PRTG: variants seen among roughly 807,000 people sequenced by gnomAD.
PRTG encodes protogenin.
PRTG carries 67 observed loss-of-function variants against 122.5 expected under a neutral mutation model. That is an observed-to-expected ratio of 0.55 (90% CI 0.45 to 0.67). The LOEUF (loss-of-function observed/expected upper bound fraction) is 0.67, where lower values mean the gene tolerates loss of function less well. Among genes scored for constraint, PRTG ranks in the 30% least tolerant of loss-of-function variants. The pLI, the probability that PRTG is intolerant of heterozygous loss-of-function variation, is 0.00. For synonymous variants in PRTG, 554 were observed against 501.1 expected (o/e 1.11, Z -1.41); for missense variants, 1,435 against 1,415.4 (o/e 1.01, Z -0.22).
rs569123917 is a variant in PRTG, at chr15:55,640,069, T to C, written c.2138-241A>G. 2 of 566,692 alleles carry C rather than the reference T, an allele frequency of 3.5e-6. 1 individual carries two copies. The highest frequency in any genetic ancestry group is 1.6e-4 in the South Asian group (2 of 12,436). The allele number at this position is 566,692 out of a possible 1,614,324, so 35.1% of individuals were successfully genotyped here. A position where few individuals can be genotyped will look rare whatever the true frequency, so the allele number is the denominator to read the frequency against. On this transcript the variant is annotated intron_variant, in intron 12 of 19. Coordinates refer to ENST00000389286, the MANE Select transcript of PRTG (RefSeq NM_173814.6). ...CAGGCATACATTCTAAGAAATGTGT[T>C]AGGTTTTTCATCAGGGGATTTCATC...
chr15:55,733,242 C>A (rs540877117), intron 2 of PRTG, among the ~76,000 whole-genome samples: 1 of 152,126 alleles, frequency 6.6e-6, no homozygotes, highest in East Asian at 1.9e-4. Flanking sequence ...CGTGGTGGCT[C>A]ACACCTGTAA....
intron 2 of PRTG, among the ~76,000 whole-genome samples, chr15:55,691,836 C>T (rs371255061): frequency 6.6e-6 from 1 of 151,710 alleles, no homozygotes; most frequent in African/African-American, 2.4e-5. Flanking sequence ...GGAAAGTGAC[C>T]AGCCTGGGAA....
intron 11 of PRTG, among the ~76,000 whole-genome samples, chr15:55,660,172 C>G (rs1447453037): frequency 6.6e-6 from 1 of 151,912 alleles, no homozygotes; most frequent in Non-Finnish European, 1.5e-5. Context: ...GAAGCGTGGT[C>G]CTGCAGCTCC....
At chr15:55,620,454 C>A (rs2059160038) in intron 19 of PRTG, among the ~76,000 whole-genome samples, 188 bp from the exon 20 acceptor site, 1 of 152,186 alleles carries the variant, frequency 6.6e-6, no homozygotes, top group African/African-American at 2.4e-5. Flanking sequence ...TGACCCTACT[C>A]CCCACTGAAA....
chr15:55,678,387 C>G (rs2059516884), intron 7 of PRTG, among the ~76,000 whole-genome samples: 1 of 152,110 alleles, frequency 6.6e-6, no homozygotes, highest in Non-Finnish European at 1.5e-5. Context: ...GTAGCCGGGA[C>G]TCCAGGCATG....
chr15:55,727,975 A>T (rs2031095425), intron 2 of PRTG, among the ~76,000 whole-genome samples: 1 of 151,992 alleles, frequency 6.6e-6, no homozygotes, highest in Non-Finnish European at 1.5e-5. Context: ...AGCGATCCTC[A>T]TGTCTCAGCC....
intron 16 of PRTG, among the ~76,000 whole-genome samples, chr15:55,628,386 G>GA (rs35201571): frequency 9.8e-4 from 140 of 142,706 alleles, no homozygotes; most frequent in Middle Eastern, 3.5e-3. Context: ...GACAGAGAGG[G>GA]AAAAAAAAAA....
At chr15:55,730,584 C>T (rs577582173) in intron 2 of PRTG, among the ~76,000 whole-genome samples, 61 of 152,084 alleles carry the variant, frequency 4.0e-4, no homozygotes, top group Admixed American at 3.8e-3. Flanking sequence ...GCGGATCACA[C>T]GGTCAGGATA....
At chr15:55,642,017 A>G (rs2059293493) in intron 11 of PRTG, among the ~76,000 whole-genome samples, 1 of 150,890 alleles carries the variant, frequency 6.6e-6, no homozygotes, top group Non-Finnish European at 1.5e-5. Flanking sequence ...TACTAAAAAT[A>G]CAAAAAATTA....
intron 15 of PRTG, among the ~76,000 whole-genome samples, chr15:55,634,560 G>A (rs2059245703): frequency 6.6e-6 from 1 of 152,136 alleles, no homozygotes; most frequent in South Asian, 2.1e-4. Flanking sequence ...AAACTGTGAG[G>A]CCAGGCATGG....
intron 11 of PRTG, among the ~76,000 whole-genome samples, chr15:55,672,096 A>G (rs2059475127): frequency 6.6e-6 from 1 of 152,188 alleles, no homozygotes; most frequent in Admixed American, 6.5e-5. Flanking sequence ...ACTGAGTATG[A>G]TTTGGTGATA....
At chr15:55,737,998 CTCTCTATA>C (rs1425243755) in intron 2 of PRTG, among the ~76,000 whole-genome samples, 33 of 65,296 alleles carry the variant, frequency 5.1e-4, no homozygotes, top group African/African-American at 1.5e-3. Flanking sequence ...CTCTCTCTCT[CTCTCTATA>C]TATATATATA....
chr15:55,643,833 G>C (rs2059305830), intron 11 of PRTG, among the ~76,000 whole-genome samples: 2 of 151,848 alleles, frequency 1.3e-5, no homozygotes, highest in South Asian at 4.2e-4. Flanking sequence ...ATGTGCCTCT[G>C]TCAAAAGAAG....
intron 11 of PRTG, among the ~76,000 whole-genome samples, chr15:55,665,054 C>G (rs55912889): frequency 6.6e-6 from 1 of 151,574 alleles, no homozygotes; most frequent in Non-Finnish European, 1.5e-5. Flanking sequence ...GTCAGGAGAT[C>G]GAGACCATCC....
intron 2 of PRTG, among the ~76,000 whole-genome samples, chr15:55,684,426 G>C (rs2059559019): frequency 6.6e-6 from 1 of 152,174 alleles, no homozygotes; most frequent in South Asian, 2.1e-4. Flanking sequence ...ATAACATGAA[G>C]ACAAGCACAG....
At chr15:55,632,750 T>G (rs1319624527) in intron 15 of PRTG, among the ~76,000 whole-genome samples, 1 of 152,248 alleles carries the variant, frequency 6.6e-6, no homozygotes. Flanking sequence ...TTCCCTATTG[T>G]AACTGTCTTT....
At chr15:55,630,915 C>T (rs2059223885) in intron 15 of PRTG, among the ~76,000 whole-genome samples, 1 of 152,126 alleles carries the variant, frequency 6.6e-6, no homozygotes, top group African/African-American at 2.4e-5. Flanking sequence ...TAGTTTGTGA[C>T]AGTTGCCTCC....
intron 2 of PRTG, among the ~76,000 whole-genome samples, chr15:55,720,350 C>T (rs532612331): frequency 6.6e-6 from 1 of 152,156 alleles, no homozygotes; most frequent in East Asian, 1.9e-4. Context: ...GGGCGAGACT[C>T]TACCTCCAAA....
intron 2 of PRTG, among the ~76,000 whole-genome samples, chr15:55,717,536 T>C (rs758361251): frequency 4.6e-5 from 7 of 152,238 alleles, no homozygotes; most frequent in Non-Finnish European, 8.8e-5. Flanking sequence ...CATTGTGCTA[T>C]GGTGCTGAAG....
Sources: gnomAD v4.1 joint callset for allele counts (sites outside exome capture counted in the v4.1 genomes callset) on GRCh38, gnomAD v4.1.1 for gene constraint, MANE v1.5 for transcripts, NCBI Gene and HGNC (gene_info 2026-07-23, HGNC 2026-07-21) for gene names.